The following DCDC1 variants were observed in gnomAD, a reference collection of about 807,000 sequenced individuals.
The protein encoded by DCDC1 is doublecortin domain containing 1.
In DCDC1, 200 loss-of-function variants were observed where a neutral mutation model predicts 178.3. The observed-to-expected ratio is 1.12, with a 90% CI of 1.00 to 1.26. The LOEUF (loss-of-function observed/expected upper bound fraction) is 1.26. Ranked by LOEUF, DCDC1 falls within the 50% of genes most tolerant of loss-of-function variation. The pLI, the probability that DCDC1 is intolerant of heterozygous loss-of-function variation, is 0.00. For synonymous variants in DCDC1, 690 were observed against 604.8 expected (o/e 1.14, Z -2.07); for missense variants, 1,983 against 1,749.2 (o/e 1.13, Z -2.38).
rs541866877 is a variant in DCDC1, at chr11:31,033,382, C to A, written c.2591+31087G>T. 5.9e-5 allele frequency among the ~76,000 whole-genome samples: 9 copies of A among 152,182 alleles called. No homozygotes were observed. The South Asian group carries it at 1.9e-3, about 32-fold the overall frequency. On this transcript the variant is annotated intron_variant, in intron 20 of 38. Coordinates refer to ENST00000684477, the MANE Select transcript of DCDC1 (RefSeq NM_001387274.1). ...TTTCTATTTTCAGGTCATTTAACAT[C>A]TATCCTAATTTCTGCTGTTCTGATT...
chr11:31,065,298 A>C lies in DCDC1; in HGVS notation c.2299-145T>G, dbSNP rs1956184522. On this transcript the variant is annotated intron_variant, in intron 18 of 38. Coordinates refer to ENST00000684477, the MANE Select transcript of DCDC1 (RefSeq NM_001387274.1). Reference sequence around the variant, plus strand: ...CTTTGTACTTTATTATCAATTTCATAACAGAATCAAGCCAAATGACTTTAA... The same window carrying C: ...CTTTGTACTTTATTATCAATTTCATCACAGAATCAAGCCAAATGACTTTAA... 5 of 468,494 alleles carry C rather than the reference A, an allele frequency of 1.1e-5. No homozygotes were observed. In the East Asian group the frequency reaches 1.6e-4, roughly 15 times the overall value. The allele number at this position is 468,494 out of a possible 1,614,324, so 29.0% of individuals were successfully genotyped here.
intron 20 of DCDC1, among the ~76,000 whole-genome samples, chr11:31,017,481 G>T (rs971589864): frequency 5.9e-5 from 9 of 151,278 alleles, no homozygotes; most frequent in Middle Eastern, 6.9e-3. Context: ...AATCAACCCT[G>T]TCTCAAAAAT....
chr11:31,212,923 T>C (rs1972769445), intron 9 of DCDC1, among the ~76,000 whole-genome samples: 1 of 152,114 alleles, frequency 6.6e-6, no homozygotes, highest in Non-Finnish European at 1.5e-5. Flanking sequence ...ATAACTGTTA[T>C]GTAAGATGTG....
chr11:30,913,095 G>A (rs964756418), intron 27 of DCDC1, among the ~76,000 whole-genome samples: 2 of 152,134 alleles, frequency 1.3e-5, no homozygotes, highest in African/African-American at 4.8e-5. Context: ...ATATTGTTCT[G>A]AATCATGCCC....
At chr11:31,155,899 CATT>C (rs1046199567) in intron 9 of DCDC1, 1 of 152,192 alleles carries the variant, frequency 6.6e-6, no homozygotes, top group African/African-American at 2.4e-5. Context: ...CTAAAAAAAT[CATT>C]ATTGTCATTT....
At chr11:31,342,660 A>C (rs1391330923) in intron 1 of DCDC1, among the ~76,000 whole-genome samples, 4 of 152,182 alleles carry the variant, frequency 2.6e-5, no homozygotes, top group Non-Finnish European at 4.4e-5. Context: ...TGTCTTTTGA[A>C]ATCTTTCATA....
At chr11:31,178,923 C>G (rs1968426916) in intron 9 of DCDC1, among the ~76,000 whole-genome samples, 1 of 152,122 alleles carries the variant, frequency 6.6e-6, no homozygotes, top group Non-Finnish European at 1.5e-5. Flanking sequence ...AAACTCCTGA[C>G]CTTGTGACTT....
chr11:31,046,054 T>C (rs1282173632), intron 20 of DCDC1, among the ~76,000 whole-genome samples: 1 of 152,152 alleles, frequency 6.6e-6, no homozygotes, highest in East Asian at 1.9e-4. Flanking sequence ...TTCCATCACA[T>C]ATGTAACACA....
chr11:30,912,369 T>C (rs1945502815), intron 27 of DCDC1, among the ~76,000 whole-genome samples: 2 of 152,138 alleles, frequency 1.3e-5, no homozygotes, highest in African/African-American at 4.8e-5. Flanking sequence ...CTGCAACCTC[T>C]ACCTCTTGGG....
At chr11:30,869,288 T>C (rs888926257) in intron 38 of DCDC1, among the ~76,000 whole-genome samples, 4 of 152,240 alleles carry the variant, frequency 2.6e-5, no homozygotes, top group Non-Finnish European at 5.9e-5. Context: ...CAATGTGATG[T>C]TCTATGGATT....
At chr11:30,909,407 T>C (rs1183524497) in intron 28 of DCDC1, among the ~76,000 whole-genome samples, 1 of 152,152 alleles carries the variant, frequency 6.6e-6, no homozygotes, top group Non-Finnish European at 1.5e-5. Context: ...TTTAAAAATA[T>C]ATACCATTTC....
intron 7 of DCDC1, among the ~76,000 whole-genome samples, chr11:31,286,705 T>C (rs2137346425): frequency 1.3e-5 from 2 of 152,168 alleles, no homozygotes; most frequent in East Asian, 3.9e-4. Context: ...AAATTTGAGA[T>C]ATCAGGTACC....
At chr11:31,263,701 A>C (rs1188604972) in intron 8 of DCDC1, among the ~76,000 whole-genome samples, 1 of 152,222 alleles carries the variant, frequency 6.6e-6, no homozygotes, top group Non-Finnish European at 1.5e-5. Flanking sequence ...AAGGATGATA[A>C]ATCAAGGAAA....
intron 20 of DCDC1, among the ~76,000 whole-genome samples, chr11:31,039,926 A>AT (rs2135340069): frequency 6.6e-6 from 1 of 152,260 alleles, no homozygotes; most frequent in South Asian, 2.1e-4. Context: ...GTGAATGTTT[A>AT]TTTTTATTGA....
In DCDC1 at chr11:30,923,183, C is replaced by T. The variant is rs3925716; in HGVS notation, c.2998-545G>A. Among the ~76,000 whole-genome samples the T allele has an allele frequency of 3.3e-5, 5 of 152,266 alleles. No individual in the cohort carries two copies. In the South Asian group the frequency reaches 1.0e-3, roughly 32 times the overall value. On this transcript the variant is annotated intron_variant, in intron 23 of 38. Transcript: ENST00000684477. ...TTATTAGAACACAGCTATTCCCATT[C>T]ATTTACACGTTGTCTATGGCTGCTT...
intron 20 of DCDC1, among the ~76,000 whole-genome samples, chr11:31,044,863 AC>A (rs1241769614): frequency 1.3e-5 from 2 of 152,184 alleles, no homozygotes; most frequent in African/African-American, 4.8e-5. Context: ...TGTTTGTGGT[AC>A]CTTGTTACCC....
chr11:31,127,695 C>A, intron 10 of DCDC1, 56 bp from the exon 11 acceptor site: 1 of 673,314 alleles, frequency 1.5e-6, no homozygotes, highest in Non-Finnish European at 2.7e-6. Context: ...GATGTCACAC[C>A]TATTAGATTT....
intron 7 of DCDC1, among the ~76,000 whole-genome samples, chr11:31,268,804 A>G (rs1452721241): frequency 6.6e-6 from 1 of 152,180 alleles, no homozygotes; most frequent in Non-Finnish European, 1.5e-5. Flanking sequence ...ACTGCTTTCC[A>G]CAGTAGCTGA....
intron 9 of DCDC1, among the ~76,000 whole-genome samples, chr11:31,154,299 G>C (rs1965501317): frequency 6.6e-6 from 1 of 152,166 alleles, no homozygotes; most frequent in Non-Finnish European, 1.5e-5. Flanking sequence ...TATGAGAACA[G>C]ACTAATACAA....
Sources: gnomAD v4.1 joint callset for allele counts (sites outside exome capture counted in the v4.1 genomes callset) on GRCh38, gnomAD v4.1.1 for gene constraint, MANE v1.5 for transcripts, NCBI Gene and HGNC (gene_info 2026-07-23, HGNC 2026-07-21) for gene names.